ESRRG: variants seen among roughly 807,000 people sequenced by gnomAD.
The protein encoded by ESRRG is estrogen related receptor gamma, also known as estrogen-related receptor gamma.
A neutral mutation model predicts 44.0 loss-of-function variants in ESRRG; 13 were observed. That is an observed-to-expected ratio of 0.30 (90% CI 0.19 to 0.47). The LOEUF (loss-of-function observed/expected upper bound fraction) is 0.47. ESRRG is among the 20% of genes least tolerant of loss of function. ESRRG has a pLI of 1.00. For synonymous variants in ESRRG, 215 were observed against 214.6 expected, an observed-to-expected ratio of 1.00 and a Z score of -0.02; for missense variants, 395 against 580.6, an observed-to-expected ratio of 0.68 and a Z score of 3.29.
intron 3 of ESRRG, among the ~76,000 whole-genome samples, chr1:216,616,251 G>T (rs2061417553): frequency 1.3e-5 from 2 of 152,162 alleles, no homozygotes; most frequent in Admixed American, 1.3e-4. Context: ...GGGTGCAGGT[G>T]GCTTTTGTTA....
intron 2 of ESRRG, among the ~76,000 whole-genome samples, chr1:216,738,407 T>C (rs1464170147): frequency 6.6e-6 from 1 of 152,168 alleles, no homozygotes; most frequent in Admixed American, 6.5e-5. Context: ...CATAAAATGC[T>C]TATCAATGAA....
chr1:216,745,863 A>G (rs2152266378), intron 2 of ESRRG, among the ~76,000 whole-genome samples: 1 of 152,352 alleles, frequency 6.6e-6, no homozygotes, highest in East Asian at 1.9e-4. Flanking sequence ...TTATCTATGT[A>G]TCAAACTCAT....
chr1:217,110,855 AT>A (rs1441027523), intron 1 of ESRRG, among the ~76,000 whole-genome samples: 2 of 152,100 alleles, frequency 1.3e-5, no homozygotes, highest in East Asian at 3.9e-4. Context: ...GGCTTATTAT[AT>A]TGCTGACCAT....
At chr1:217,049,192 A>C (rs188663597) in intron 1 of ESRRG, among the ~76,000 whole-genome samples, 3 of 152,300 alleles carry the variant, frequency 2.0e-5, no homozygotes. Flanking sequence ...TTTCTTAGAT[A>C]AGCCTTTCCT....
chr1:216,675,190 G>T (rs994688896), intron 2 of ESRRG, among the ~76,000 whole-genome samples: 3 of 151,810 alleles, frequency 2.0e-5, no homozygotes, highest in African/African-American at 7.3e-5. Flanking sequence ...GTGAAACCTT[G>T]TCTCTACTAA....
intron 2 of ESRRG, among the ~76,000 whole-genome samples, chr1:216,914,099 C>A (rs113233909): frequency 0.075 from 11,368 of 151,984 alleles, 455 homozygotes; most frequent in South Asian, 0.11. Context: ...AGCTCCCCCT[C>A]CCCCCATCCT....
At chr1:216,599,450 A>G (rs1310951108) in intron 3 of ESRRG, among the ~76,000 whole-genome samples, 1 of 152,166 alleles carries the variant, frequency 6.6e-6, no homozygotes, top group Non-Finnish European at 1.5e-5. Flanking sequence ...TTGAAAATGA[A>G]TTATTCCACT....
At chr1:216,811,824 T>C (rs1277754895) in intron 2 of ESRRG, among the ~76,000 whole-genome samples, 1 of 152,238 alleles carries the variant, frequency 6.6e-6, no homozygotes, top group East Asian at 1.9e-4. Flanking sequence ...AAAAAGGGTT[T>C]CCATTTTAAG....
chr1:216,997,378 G>T (rs151232750), intron 1 of ESRRG, among the ~76,000 whole-genome samples: 39 of 152,288 alleles, frequency 2.6e-4, no homozygotes, highest in Admixed American at 7.2e-4. Context: ...ACTTCATTTA[G>T]CAGCCTGGCA....
intron 5 of ESRRG, among the ~76,000 whole-genome samples, chr1:216,538,883 T>A (rs1846223): frequency 0.58 from 87,581 of 151,838 alleles, 26,906 homozygotes; most frequent in African/African-American, 0.79. Flanking sequence ...AGAAGTTATC[T>A]TATGCAGAAT....
chr1:217,094,840 G>C (rs1208390897), intron 1 of ESRRG, among the ~76,000 whole-genome samples: 2 of 152,162 alleles, frequency 1.3e-5, no homozygotes, highest in African/African-American at 4.8e-5. Flanking sequence ...TGGGAAAGTA[G>C]GCAGCCAATC....
intron 2 of ESRRG, among the ~76,000 whole-genome samples, chr1:216,845,170 C>A (rs1476614595): frequency 6.6e-6 from 1 of 152,028 alleles, no homozygotes; most frequent in Non-Finnish European, 1.5e-5. Flanking sequence ...ATTTCTTTAT[C>A]TTATTACTTA....
intron 3 of ESRRG, among the ~76,000 whole-genome samples, chr1:216,599,953 C>T (rs1238221062): frequency 1.3e-5 from 2 of 152,222 alleles, no homozygotes. Flanking sequence ...ATGAGCATTT[C>T]CCTGTTAATT....
chr1:216,819,446 G>C (rs998738888), intron 2 of ESRRG, among the ~76,000 whole-genome samples: 15 of 152,026 alleles, frequency 9.9e-5, no homozygotes, highest in African/African-American at 3.4e-4. Flanking sequence ...TCCCTACTTT[G>C]TGCTAATGTT....
At chr1:216,768,032 A>G (rs2152379510) in intron 2 of ESRRG, among the ~76,000 whole-genome samples, 1 of 152,278 alleles carries the variant, frequency 6.6e-6, no homozygotes, top group Admixed American at 6.5e-5. Flanking sequence ...CTGGCCCATT[A>G]TGTGCTAGGC....
At chr1:217,129,905 G>T (rs189327437) in intron 1 of ESRRG, among the ~76,000 whole-genome samples, 1 of 151,816 alleles carries the variant, frequency 6.6e-6, no homozygotes, top group African/African-American at 2.4e-5. Flanking sequence ...ACATCATGGT[G>T]AATGTTAAAA....
intron 5 of ESRRG, among the ~76,000 whole-genome samples, chr1:216,546,159 TCTAC>T (rs1239213898): frequency 6.6e-6 from 1 of 152,068 alleles, no homozygotes; most frequent in Non-Finnish European, 1.5e-5. Flanking sequence ...AGCTCTGGCC[TCTAC>T]CCACTGGATC....
At chr1:216,715,212 T>C in intron 1 of ESRRG, 1 of 985,408 alleles carries the variant, frequency 1.0e-6, no homozygotes, top group South Asian at 4.7e-5. Flanking sequence ...TCTGTGACAC[T>C]ATGATCCCAT....
At chr1:216,795,496 G>A (rs1401161855) in intron 2 of ESRRG, among the ~76,000 whole-genome samples, 1 of 151,262 alleles carries the variant, frequency 6.6e-6, no homozygotes, top group Non-Finnish European at 1.5e-5. Context: ...ATGTGCCACT[G>A]TGCCTGGCTA....
Sources: allele counts gnomAD v4.1 joint callset (sites outside exome capture counted in the v4.1 genomes callset), GRCh38; gene constraint gnomAD v4.1.1; transcripts MANE v1.5; gene names NCBI Gene and HGNC (gene_info 2026-07-23, HGNC 2026-07-21).